Variants in HS6ST2 observed in about 807,000 individuals in gnomAD.
HS6ST2 encodes the protein heparan-sulfate 6-O-sulfotransferase 2.
In HS6ST2, 17 loss-of-function variants were observed where a neutral mutation model predicts 33.0. The observed-to-expected ratio is 0.52, with a 90% CI of 0.35 to 0.77. The LOEUF (loss-of-function observed/expected upper bound fraction) is 0.77. HS6ST2 is among the 30% of genes least tolerant of loss of function. The probability of loss-of-function intolerance (pLI) is 0.01; values close to 1 mark genes in which losing one functional copy is unlikely to be tolerated. For synonymous variants in HS6ST2, 248 were observed against 237.1 expected (o/e 1.05, Z -0.42); for missense variants, 519 against 551.7 (o/e 0.94, Z 0.59).
At chrX:132,841,388 T>G (rs1050638974) in intron 2 of HS6ST2, among the ~76,000 whole-genome samples, 4 of 111,570 alleles carry the variant, frequency 3.6e-5, no homozygotes, top group Non-Finnish European at 5.6e-5. Flanking sequence ...ATCTTGTGAA[T>G]CTCCCTACTG....
chrX:132,748,839 G>A (rs1316342610), intron 2 of HS6ST2, among the ~76,000 whole-genome samples: 1 of 111,229 alleles, frequency 9.0e-6, no homozygotes, highest in African/African-American at 3.3e-5. Context: ...TTGAACTCCT[G>A]GGCTCAAGCA....
intron 3 of HS6ST2, among the ~76,000 whole-genome samples, chrX:132,695,725 G>A (rs911611113): frequency 8.9e-6 from 1 of 111,971 alleles, no homozygotes; most frequent in Non-Finnish European, 1.9e-5. Context: ...TTCGCTGGCT[G>A]GGAGCTCGAC....
At chrX:132,814,426 T>G (rs923997690) in intron 2 of HS6ST2, among the ~76,000 whole-genome samples, 1 of 112,495 alleles carries the variant, frequency 8.9e-6, no homozygotes, top group Non-Finnish European at 1.9e-5. Context: ...CTACACTGCT[T>G]CCTCAGGATG....
intron 2 of HS6ST2, among the ~76,000 whole-genome samples, chrX:132,712,763 C>T (rs1200998101): frequency 1.8e-5 from 2 of 111,842 alleles, no homozygotes; most frequent in South Asian, 3.8e-4. Flanking sequence ...TGGTAGCTCA[C>T]GCCTGTAATC....
intron 2 of HS6ST2, among the ~76,000 whole-genome samples, chrX:132,870,181 A>T: frequency 9.0e-6 from 1 of 111,394 alleles, no homozygotes; most frequent in African/African-American, 3.3e-5. Flanking sequence ...CTACAAAGAG[A>T]ATAAAATACC....
At chrX:132,947,089 G>A (rs6638039) in intron 2 of HS6ST2, among the ~76,000 whole-genome samples, 3 of 111,352 alleles carry the variant, frequency 2.7e-5, no homozygotes, top group Non-Finnish European at 5.7e-5. Flanking sequence ...TGGTCTACAA[G>A]ATAATTCATT....
At chrX:132,860,755 C>T (rs2065903489) in intron 2 of HS6ST2, among the ~76,000 whole-genome samples, 1 of 99,835 alleles carries the variant, frequency 1.0e-5, no homozygotes, top group Non-Finnish European at 2.0e-5. Context: ...CCCTTCCAGT[C>T]TGGGTCCTTA....
At chrX:132,869,300 G>A (rs759504591) in intron 2 of HS6ST2, among the ~76,000 whole-genome samples, 1 of 111,131 alleles carries the variant, frequency 9.0e-6, no homozygotes, top group Non-Finnish European at 1.9e-5. Context: ...TACCAACGAA[G>A]GACCAGATGG....
chrX:132,747,209 C>A (rs1039703986), intron 2 of HS6ST2, among the ~76,000 whole-genome samples: 2 of 111,896 alleles, frequency 1.8e-5, no homozygotes, highest in Non-Finnish European at 3.8e-5. Flanking sequence ...GGAGGTGATG[C>A]ATGAACTGTG....
intron 2 of HS6ST2, among the ~76,000 whole-genome samples, chrX:132,787,232 T>C (rs1186795294): frequency 2.3e-5 from 2 of 88,202 alleles, no homozygotes; most frequent in East Asian, 6.6e-4. Flanking sequence ...TATATACACA[T>C]ATATATACAT....
intron 2 of HS6ST2, among the ~76,000 whole-genome samples, chrX:132,771,528 AC>A (rs2064899932): frequency 9.1e-6 from 1 of 110,249 alleles, no homozygotes; most frequent in Admixed American, 9.8e-5. Context: ...AGCTGTTGAA[AC>A]CCCCCTTTGT....
chrX:132,823,123 C>T (rs1016731586), intron 2 of HS6ST2, among the ~76,000 whole-genome samples: 1 of 112,105 alleles, frequency 8.9e-6, no homozygotes, highest in Admixed American at 9.4e-5. Context: ...AATATACGAA[C>T]GAACATGTCT....
intron 2 of HS6ST2, among the ~76,000 whole-genome samples, chrX:132,883,672 T>A (rs921920315): frequency 1.8e-5 from 2 of 111,149 alleles, no homozygotes; most frequent in Non-Finnish European, 3.8e-5. Flanking sequence ...ACCAACCAGA[T>A]AAGGACATAG....
At chrX:132,815,631 C>A (rs966753343) in intron 2 of HS6ST2, among the ~76,000 whole-genome samples, 5 of 111,906 alleles carry the variant, frequency 4.5e-5, no homozygotes, top group Non-Finnish European at 7.5e-5. Context: ...CATTTCTTGT[C>A]TTTGGGCCTC....
intron 4 of HS6ST2, among the ~76,000 whole-genome samples, chrX:132,668,012 C>T (rs1264368917): frequency 1.8e-5 from 2 of 111,484 alleles, no homozygotes; most frequent in Non-Finnish European, 3.8e-5. Flanking sequence ...TGCAAGATAA[C>T]CCGCATTCAA....
intron 2 of HS6ST2, among the ~76,000 whole-genome samples, chrX:132,776,139 C>T (rs1203542149): frequency 8.9e-6 from 1 of 111,804 alleles, no homozygotes; most frequent in African/African-American, 3.2e-5. Context: ...TAAGATAATA[C>T]ATTGCCATAT....
At chrX:132,735,560 T>G (rs972501848) in intron 2 of HS6ST2, among the ~76,000 whole-genome samples, 5 of 111,831 alleles carry the variant, frequency 4.5e-5, no homozygotes, top group African/African-American at 1.6e-4. Context: ...AGGCCAGTAA[T>G]CTGAAATAAA....
At chrX:132,732,008 A>G (rs2148277922) in intron 2 of HS6ST2, among the ~76,000 whole-genome samples, 1 of 112,216 alleles carries the variant, frequency 8.9e-6, no homozygotes, top group Non-Finnish European at 1.9e-5. Flanking sequence ...CTGCTAATAC[A>G]GGCAAACGAT....
intron 2 of HS6ST2, among the ~76,000 whole-genome samples, chrX:132,902,011 T>A (rs1234869161): frequency 2.7e-5 from 3 of 111,052 alleles, no homozygotes; most frequent in Admixed American, 9.6e-5. Context: ...AAAAGGCCAC[T>A]GGAATTGGTT....
Sources: gnomAD v4.1 joint callset for allele counts (sites outside exome capture counted in the v4.1 genomes callset) on GRCh38, gnomAD v4.1.1 for gene constraint, MANE v1.5 for transcripts, NCBI Gene and HGNC (gene_info 2026-07-23, HGNC 2026-07-21) for gene names.